The following AGBL4 variants were observed in gnomAD, a reference collection of about 807,000 sequenced individuals.
AGBL4 encodes cytosolic carboxypeptidase 6.
AGBL4 carries 58 observed loss-of-function variants against 66.4 expected under a neutral mutation model. The observed-to-expected ratio is 0.87, with a 90% confidence interval of 0.71 to 1.09. AGBL4 has a LOEUF of 1.09. Among genes scored for constraint, AGBL4 ranks in the 50% least tolerant of loss-of-function variants. The pLI, the probability that AGBL4 is intolerant of heterozygous loss-of-function variation, is 0.00. For missense variants in AGBL4, 579 were observed against 631.0 expected, an observed-to-expected ratio of 0.92 and a Z score of 0.88; for synonymous variants, 234 against 222.9, an observed-to-expected ratio of 1.05 and a Z score of -0.44.
intron 6 of AGBL4, among the ~76,000 whole-genome samples, chr1:48,716,950 CA>C (rs1345296257): frequency 6.6e-6 from 1 of 152,196 alleles, no homozygotes; most frequent in Non-Finnish European, 1.5e-5. Context: ...CTATATTTTA[CA>C]GTTCAAAAAG....
chr1:48,874,315 C>A (rs1649010069), intron 5 of AGBL4, among the ~76,000 whole-genome samples: 2 of 133,462 alleles, frequency 1.5e-5, no homozygotes, highest in African/African-American at 5.5e-5. Context: ...ATGCCCTGCT[C>A]CCTGCCCTAT....
chr1:49,148,030 T>G (rs780816737), intron 4 of AGBL4, among the ~76,000 whole-genome samples: 1 of 152,180 alleles, frequency 6.6e-6, no homozygotes, highest in South Asian at 2.1e-4. Context: ...CAAAATCACA[T>G]GGGCTTGGCT....
intron 3 of AGBL4, among the ~76,000 whole-genome samples, chr1:49,383,465 C>T (rs74559345): frequency 2.7e-3 from 409 of 152,114 alleles, no homozygotes; most frequent in African/African-American, 8.9e-3. Context: ...AAAAATGGGA[C>T]AGGATAGAGA....
intron 5 of AGBL4, among the ~76,000 whole-genome samples, chr1:48,934,522 A>G (rs1468484997): frequency 6.6e-6 from 1 of 152,156 alleles, no homozygotes; most frequent in Non-Finnish European, 1.5e-5. Flanking sequence ...CAAATACACA[A>G]CGGTATGCTA....
chr1:49,660,193 C>A (rs555151868), intron 3 of AGBL4, among the ~76,000 whole-genome samples: 1 of 151,998 alleles, frequency 6.6e-6, no homozygotes, highest in Non-Finnish European at 1.5e-5. Flanking sequence ...AAAATTTTTT[C>A]AATCTATCCT....
intron 3 of AGBL4, among the ~76,000 whole-genome samples, chr1:49,679,806 C>T (rs1002646500): frequency 1.3e-4 from 20 of 152,086 alleles, no homozygotes; most frequent in African/African-American, 4.8e-4. Flanking sequence ...TCTACTTTGT[C>T]AACATTTACC....
intron 5 of AGBL4, among the ~76,000 whole-genome samples, chr1:48,869,220 A>C (rs1346667218): frequency 6.6e-6 from 1 of 151,878 alleles, no homozygotes; most frequent in African/African-American, 2.4e-5. Flanking sequence ...TGCAACTCTA[A>C]GATGTCACTA....
At chr1:49,920,012 GT>G (rs1652034197) in intron 1 of AGBL4, among the ~76,000 whole-genome samples, 1 of 152,006 alleles carries the variant, frequency 6.6e-6, no homozygotes, top group Non-Finnish European at 1.5e-5. Flanking sequence ...TTAATAAATG[GT>G]GCTGGGAAAA....
intron 3 of AGBL4, among the ~76,000 whole-genome samples, chr1:49,600,497 G>T (rs2124154757): frequency 6.6e-6 from 1 of 152,292 alleles, no homozygotes; most frequent in East Asian, 1.9e-4. Flanking sequence ...TTGAGCCTAT[G>T]TGTGTCTTTG....
chr1:49,010,745 TC>T (rs1662332212), intron 5 of AGBL4, among the ~76,000 whole-genome samples: 1 of 151,296 alleles, frequency 6.6e-6, no homozygotes, highest in East Asian at 1.9e-4. Flanking sequence ...AACTATCTGA[TC>T]TTTGACAAAC....
chr1:49,551,034 T>C (rs1452199322), intron 3 of AGBL4, among the ~76,000 whole-genome samples: 1 of 152,182 alleles, frequency 6.6e-6, no homozygotes. Context: ...ATTGGGTTAA[T>C]TAAAAGAGCT....
chr1:49,844,123 A>T (rs184782629), intron 2 of AGBL4, among the ~76,000 whole-genome samples: 18 of 152,290 alleles, frequency 1.2e-4, no homozygotes, highest in African/African-American at 4.1e-4. Context: ...CCTCCTAGTG[A>T]TGCATGTTGC....
intron 6 of AGBL4, among the ~76,000 whole-genome samples, chr1:48,737,548 C>T (rs1649264854): frequency 6.6e-6 from 1 of 152,128 alleles, no homozygotes; most frequent in Non-Finnish European, 1.5e-5. Context: ...CCTTCTGGCT[C>T]AAAACACCTA....
intron 11 of AGBL4, among the ~76,000 whole-genome samples, chr1:48,566,763 C>CCTT (rs1221232638): frequency 6.6e-6 from 1 of 152,194 alleles, no homozygotes; most frequent in Admixed American, 6.5e-5. Flanking sequence ...CAGCAGATGG[C>CCTT]CTTTGTTCTT....
intron 2 of AGBL4, among the ~76,000 whole-genome samples, chr1:49,732,241 C>T (rs1649512325): frequency 6.6e-6 from 1 of 152,092 alleles, no homozygotes. Flanking sequence ...GCAGAGAGAC[C>T]CAAGTTATTT....
At chr1:49,277,214 A>G (rs1393975838) in intron 3 of AGBL4, among the ~76,000 whole-genome samples, 1 of 152,172 alleles carries the variant, frequency 6.6e-6, no homozygotes, top group African/African-American at 2.4e-5. Context: ...TTGCTCACAT[A>G]TTAAATCTAG....
intron 1 of AGBL4, among the ~76,000 whole-genome samples, chr1:49,964,464 T>C (rs887644637): frequency 5.3e-5 from 8 of 152,074 alleles, no homozygotes; most frequent in African/African-American, 1.9e-4. Flanking sequence ...GAAGTAGCAA[T>C]GGTAGTGATT....
intron 3 of AGBL4, among the ~76,000 whole-genome samples, chr1:49,354,788 A>C (rs1001539542): frequency 2.0e-5 from 3 of 152,332 alleles, no homozygotes; most frequent in African/African-American, 7.2e-5. Context: ...AAATACTTCT[A>C]ATATTAAACA....
chr1:48,690,315 T>C (rs893096326), intron 6 of AGBL4, among the ~76,000 whole-genome samples: 13 of 152,038 alleles, frequency 8.6e-5, no homozygotes, highest in African/African-American at 3.1e-4. Flanking sequence ...AGAACACCCT[T>C]TGATTTGGAG....
Sources: gnomAD v4.1 joint callset for allele counts (sites outside exome capture counted in the v4.1 genomes callset) on GRCh38, gnomAD v4.1.1 for gene constraint, MANE v1.5 for transcripts, NCBI Gene and HGNC (gene_info 2026-07-23, HGNC 2026-07-21) for gene names.